PPARGC1A: variants seen among roughly 807,000 people sequenced by gnomAD.
The protein encoded by PPARGC1A is peroxisome proliferator-activated receptor gamma coactivator 1-alpha.
A neutral mutation model predicts 88.7 loss-of-function variants in PPARGC1A; 25 were observed. The observed-to-expected ratio is 0.28, with a 90% CI of 0.21 to 0.39. The LOEUF (loss-of-function observed/expected upper bound fraction) is 0.39, where lower values mean the gene tolerates loss of function less well. PPARGC1A is among the 10% of genes least tolerant of loss of function. The pLI is 1.00. For missense variants in PPARGC1A, 880 were observed against 968.7 expected (o/e 0.91, Z 1.22); for synonymous variants, 363 against 355.6 (o/e 1.02, Z -0.24).
At chr4:24,162,388 T>C in the PPARGC1A span, among the ~76,000 whole-genome samples, 1 of 151,960 alleles carries the variant, frequency 6.6e-6, no homozygotes, top group Non-Finnish European at 1.5e-5. Flanking sequence ...TAAAATAAAA[T>C]AAAAGGGCTT....
the PPARGC1A span, among the ~76,000 whole-genome samples, chr4:24,262,685 T>G: frequency 6.6e-6 from 1 of 152,078 alleles, no homozygotes; most frequent in Admixed American, 6.6e-5. Flanking sequence ...GCAAAGGAGA[T>G]TAATTATATT....
chr4:24,230,166 G>A, the PPARGC1A span, among the ~76,000 whole-genome samples: 2 of 152,126 alleles, frequency 1.3e-5, no homozygotes, highest in African/African-American at 4.8e-5. Context: ...TTAGCAACTC[G>A]CTCCAATTTG....
the PPARGC1A span, among the ~76,000 whole-genome samples, chr4:23,999,931 TAA>T: frequency 2.0e-5 from 3 of 152,008 alleles, no homozygotes; most frequent in African/African-American, 7.2e-5. Context: ...GAATCTATAT[TAA>T]GTGGCAGATT....
At chr4:24,135,326 A>T in the PPARGC1A span, among the ~76,000 whole-genome samples, 1 of 152,108 alleles carries the variant, frequency 6.6e-6, no homozygotes, top group Admixed American at 6.5e-5. Context: ...CTGAATTGGA[A>T]ATGCACACCA....
At chr4:23,913,289 G>T in the PPARGC1A span, among the ~76,000 whole-genome samples, 3 of 143,448 alleles carry the variant, frequency 2.1e-5, no homozygotes, top group Non-Finnish European at 4.5e-5. Flanking sequence ...GAGAGAGAGA[G>T]AGAGAGAGAG....
At chr4:24,224,994 G>A in the PPARGC1A span, among the ~76,000 whole-genome samples, 3 of 152,068 alleles carry the variant, frequency 2.0e-5, no homozygotes, top group Admixed American at 2.0e-4. Flanking sequence ...TCAAAGATCA[G>A]CAAGGAGCCC....
intron 2 of PPARGC1A, among the ~76,000 whole-genome samples, chr4:23,841,677 C>T (rs1727073099): frequency 6.6e-6 from 1 of 151,968 alleles, no homozygotes; most frequent in Non-Finnish European, 1.5e-5. Context: ...TTCTATGAAG[C>T]AGGATTTTCT....
the PPARGC1A span, among the ~76,000 whole-genome samples, chr4:24,276,970 C>A: frequency 6.6e-6 from 1 of 152,310 alleles, no homozygotes; most frequent in South Asian, 2.1e-4. Context: ...CTTCTGAGTA[C>A]AGACCGCCCT....
At chr4:23,929,893 T>C in the PPARGC1A span, among the ~76,000 whole-genome samples, 1 of 152,150 alleles carries the variant, frequency 6.6e-6, no homozygotes, top group African/African-American at 2.4e-5. Context: ...CATTACATCT[T>C]TTTAACAACC....
the PPARGC1A span, among the ~76,000 whole-genome samples, chr4:23,918,447 C>G: frequency 2.4e-4 from 37 of 152,210 alleles, no homozygotes; most frequent in African/African-American, 7.9e-4. Flanking sequence ...GTCTTGAATG[C>G]CTGACCTCAA....
At chr4:24,260,038 A>G in the PPARGC1A span, among the ~76,000 whole-genome samples, 1 of 151,590 alleles carries the variant, frequency 6.6e-6, no homozygotes, top group African/African-American at 2.4e-5. Flanking sequence ...TCTCAAGAGT[A>G]AAATAAAGCT....
the PPARGC1A span, among the ~76,000 whole-genome samples, chr4:23,934,423 C>T: frequency 3.9e-5 from 6 of 152,254 alleles, no homozygotes; most frequent in East Asian, 1.9e-4. Flanking sequence ...TGGCATCCAA[C>T]CTTTTCCCGC....
At chr4:24,321,740 A>G in the PPARGC1A span, among the ~76,000 whole-genome samples, 1 of 152,238 alleles carries the variant, frequency 6.6e-6, no homozygotes, top group African/African-American at 2.4e-5. Context: ...GTTGGTTGCT[A>G]TTCTTTAGCT....
chr4:23,899,087 C>A (rs1195016229), intron 1 of PPARGC1A, among the ~76,000 whole-genome samples: 10 of 10,068 alleles, frequency 9.9e-4, no homozygotes, highest in African/African-American at 9.2e-3. Flanking sequence ...TGATCCACCC[C>A]CCCCCGGCCT....
the PPARGC1A span, among the ~76,000 whole-genome samples, chr4:24,355,463 T>C: frequency 5.3e-5 from 8 of 152,356 alleles, no homozygotes; most frequent in African/African-American, 1.9e-4. Flanking sequence ...CTCTTCAATT[T>C]ATGCCCTCTC....
the PPARGC1A span, among the ~76,000 whole-genome samples, chr4:24,454,246 T>C: frequency 6.6e-6 from 1 of 151,112 alleles, no homozygotes; most frequent in Non-Finnish European, 1.5e-5. Flanking sequence ...CCTTAGCCCA[T>C]ATTCCTGACC....
the PPARGC1A span, among the ~76,000 whole-genome samples, chr4:24,457,994 C>T: frequency 1.3e-5 from 2 of 151,952 alleles, no homozygotes; most frequent in Non-Finnish European, 2.9e-5. Flanking sequence ...GATATTATAC[C>T]CTGGAAGGAA....
chr4:24,073,166 C>T, the PPARGC1A span, among the ~76,000 whole-genome samples: 1 of 152,124 alleles, frequency 6.6e-6, no homozygotes, highest in Admixed American at 6.6e-5. Flanking sequence ...CTCAGCCTCC[C>T]AAGTAGCTGG....
At chr4:24,405,324 C>A in the PPARGC1A span, among the ~76,000 whole-genome samples, 2 of 151,924 alleles carry the variant, frequency 1.3e-5, no homozygotes, top group African/African-American at 2.4e-5. Flanking sequence ...TCCCCTCCCC[C>A]CAAAAAGTTT....
Sources: allele counts gnomAD v4.1 joint callset (sites outside exome capture counted in the v4.1 genomes callset), GRCh38; gene constraint gnomAD v4.1.1; transcripts MANE v1.5; gene names NCBI Gene and HGNC (gene_info 2026-07-23, HGNC 2026-07-21).